The following USP37 variants were observed in gnomAD, a reference collection of about 807,000 sequenced individuals.
USP37 encodes ubiquitin specific peptidase 37.
A neutral mutation model predicts 124.0 loss-of-function variants in USP37; 27 were observed. The ratio of observed to expected loss-of-function variants is 0.22; its 90% CI spans 0.16 to 0.30. The LOEUF (loss-of-function observed/expected upper bound fraction) is 0.30, where lower values mean the gene tolerates loss of function less well. Ranked by LOEUF, USP37 falls within the 10% of genes least tolerant of loss-of-function variation. The pLI is 1.00. For missense variants in USP37, 889 were observed against 1,140.4 expected (o/e 0.78, Z 3.17); for synonymous variants, 365 against 388.0 (o/e 0.94, Z 0.70).
chr2:218,498,290 A>AC (rs1327239535), intron 11 of USP37, 133 bp from the exon 12 acceptor site: 5 of 883,982 alleles, frequency 5.7e-6, no homozygotes, highest in Admixed American at 6.7e-5. Context: ...CTACACCCTA[A>AC]CCCCAAGGTT....
At chr2:218,562,597 AC>A (rs1693365984) in intron 2 of USP37, 75 bp downstream of exon 2, 2 of 396,614 alleles carry the variant, frequency 5.0e-6, no homozygotes, top group Admixed American at 8.8e-5. Context: ...TTACTACAAA[AC>A]AAACACAAAA....
intron 5 of USP37, among the ~76,000 whole-genome samples, chr2:218,551,821 C>T (rs1263678951): frequency 6.7e-6 from 1 of 150,142 alleles, no homozygotes; most frequent in African/African-American, 2.5e-5. Context: ...GAGATGGAGT[C>T]TCACTCTGTA....
intron 20 of USP37, among the ~76,000 whole-genome samples, chr2:218,470,637 G>T (rs1380431067): frequency 2.6e-5 from 4 of 152,152 alleles, no homozygotes; most frequent in Non-Finnish European, 4.4e-5. Flanking sequence ...TCAACAATAT[G>T]CTCCAGTCAT....
rs539259115 is a variant in USP37 at position 218,560,643 on chromosome 2, T to C, written c.-25+177A>G. 2.0e-4 allele frequency among the ~76,000 whole-genome samples: 31 copies of C among 152,284 alleles called. No individual in the cohort carries two copies. The South Asian group carries it at 2.1e-3, about 10-fold the overall frequency. On this transcript the variant is annotated intron_variant, in intron 3 of 25. Coordinates refer to ENST00000258399, the MANE Select transcript of USP37 (RefSeq NM_020935.3). Reference sequence around the variant, plus strand: ...ACTTAAGCAGGCAAAATTTGAACAATTGCTACCCAATCTAGCCAATTATTA... The same window carrying C: ...ACTTAAGCAGGCAAAATTTGAACAACTGCTACCCAATCTAGCCAATTATTA...
intron 11 of USP37, chr2:218,501,184 T>C (rs1308152116): frequency 6.6e-6 from 1 of 151,762 alleles, no homozygotes; most frequent in African/African-American, 2.4e-5. Flanking sequence ...GGGTTACAAA[T>C]GCGCACCACC....
At chr2:218,497,655 G>A (rs1689151170) in intron 13 of USP37, 79 bp downstream of exon 13, 1 of 1,569,562 alleles carries the variant, frequency 6.4e-7, no homozygotes, top group South Asian at 1.2e-5. Flanking sequence ...TGCCCACCTA[G>A]GCCTCCCAAA....
chr2:218,496,806 G>A (rs113815104), intron 13 of USP37, among the ~76,000 whole-genome samples: 2 of 151,944 alleles, frequency 1.3e-5, no homozygotes, highest in African/African-American at 2.4e-5. Flanking sequence ...GCGACATCAC[G>A]CCTGGCTAAT....
intron 11 of USP37, among the ~76,000 whole-genome samples, chr2:218,500,344 C>G (rs1323011514): frequency 6.6e-6 from 1 of 152,168 alleles, no homozygotes; most frequent in Non-Finnish European, 1.5e-5. Flanking sequence ...ACAGCAACTT[C>G]CATCTCCCAG....
At chr2:218,488,221 G>A (rs1028826730) in intron 15 of USP37, 83 bp downstream of exon 15, 83 of 622,414 alleles carry the variant, frequency 1.3e-4, no homozygotes, top group Non-Finnish European at 2.1e-4. Flanking sequence ...ACTTTGCCTT[G>A]AAGAAACCAA....
intron 16 of USP37, among the ~76,000 whole-genome samples, chr2:218,483,484 T>C (rs1033149053): frequency 6.6e-6 from 1 of 151,032 alleles, no homozygotes; most frequent in Non-Finnish European, 1.5e-5. Flanking sequence ...TGGCTTTGAA[T>C]ATTAAATTGA....
Position 218,548,238 on chromosome 2 carries a change from ATTTTACT to A in USP37, c.430-1154_430-1148del, listed in dbSNP as rs566675808. 4.5e-4 allele frequency among the ~76,000 whole-genome samples: 68 copies of A among 152,154 alleles called. No individual in the cohort carries two copies. In the East Asian group the frequency reaches 0.013, roughly 29 times the overall value. ...TTCTGTTATGCAAATACAAATCAAT[ATTTTACT>A]TTTTGTTATACAAACAGTAGCATAC... On this transcript the variant is annotated intron_variant, in intron 6 of 25. Transcript: ENST00000258399.
chr2:218,463,537 T>C (rs945615173), intron 21 of USP37, among the ~76,000 whole-genome samples, 171 bp from the exon 22 acceptor site: 12 of 144,260 alleles, frequency 8.3e-5, no homozygotes, highest in African/African-American at 3.1e-4. Context: ...TTACTTTTTT[T>C]TTTTTTTTTT....
At position 218,465,318 on chromosome 2, in the gene USP37, T is replaced by G. The variant is rs375280942; in HGVS notation, c.2466+692A>C. ...GAAGCCAGGCATGGTGGCTCACATC[T>G]GTAGTCCTAGCACTTTAGGAGGCCA... On this transcript the variant is annotated intron_variant, in intron 21 of 25. Transcript: ENST00000258399. Among the ~76,000 whole-genome samples, 26 of 151,698 alleles carry G rather than the reference T, an allele frequency of 1.7e-4. No individual in the cohort carries two copies. The East Asian group carries it at 3.1e-3, about 18-fold the overall frequency.
intron 13 of USP37, among the ~76,000 whole-genome samples, chr2:218,496,169 T>C (rs1414175768): frequency 6.6e-6 from 1 of 152,068 alleles, no homozygotes; most frequent in Non-Finnish European, 1.5e-5. Context: ...TGGCAGTCCC[T>C]GTAATCCCAG....
At chr2:218,543,239 T>G (rs1692084480) in intron 8 of USP37, among the ~76,000 whole-genome samples, 1 of 152,024 alleles carries the variant, frequency 6.6e-6, no homozygotes. Context: ...TGGTGGCTCA[T>G]GCCTATAATC....
intron 23 of USP37, 67 bp from the exon 24 acceptor site, chr2:218,457,228 A>G: frequency 7.0e-7 from 1 of 1,433,250 alleles, no homozygotes; most frequent in Non-Finnish European, 9.7e-7. Context: ...CTGAATATAA[A>G]TTTATTATCA....
chr2:218,511,698 C>T (rs1378633296), intron 10 of USP37, among the ~76,000 whole-genome samples: 1 of 152,178 alleles, frequency 6.6e-6, no homozygotes, highest in Non-Finnish European at 1.5e-5. Context: ...TTGCTCGCCT[C>T]AGCCTCCCAA....
At chr2:218,543,618 C>T (rs1026350070) in intron 8 of USP37, among the ~76,000 whole-genome samples, 2 of 150,032 alleles carry the variant, frequency 1.3e-5, no homozygotes, top group South Asian at 4.3e-4. Context: ...CAAGACCATT[C>T]TGGCTAACAC....
chr2:218,470,045 C>T (rs1690588183), intron 20 of USP37, among the ~76,000 whole-genome samples: 1 of 152,036 alleles, frequency 6.6e-6, no homozygotes. Context: ...TGGTCTCGAT[C>T]TCCTGACCTC....
Sources: allele counts gnomAD v4.1 joint callset (sites outside exome capture counted in the v4.1 genomes callset), GRCh38; gene constraint gnomAD v4.1.1; transcripts MANE v1.5; gene names NCBI Gene and HGNC (gene_info 2026-07-23, HGNC 2026-07-21).